ERC2: variants seen among roughly 807,000 people sequenced by gnomAD.
ERC2 encodes the protein ELKS/RAB6-interacting/CAST family member 2.
A neutral mutation model predicts 114.8 loss-of-function variants in ERC2; 42 were observed. That is an observed-to-expected ratio of 0.37 (90% CI 0.29 to 0.47). ERC2 has a LOEUF of 0.47. ERC2 is among the 20% of genes least tolerant of loss of function. The pLI is 0.99. For synonymous variants in ERC2, 454 were observed against 425.5 expected (o/e 1.07, Z -0.82); for missense variants, 939 against 1,150.7 (o/e 0.82, Z 2.66).
At chr3:55,800,505 T>C (rs2070958913) in intron 14 of ERC2, among the ~76,000 whole-genome samples, 1 of 152,014 alleles carries the variant, frequency 6.6e-6, no homozygotes, top group South Asian at 2.1e-4. Flanking sequence ...ACTTCTACCA[T>C]ATAAAAAAAG....
intron 2 of ERC2, among the ~76,000 whole-genome samples, chr3:56,429,847 A>G (rs748799437): frequency 2.6e-5 from 4 of 152,012 alleles, no homozygotes; most frequent in Non-Finnish European, 5.9e-5. Flanking sequence ...ATAGTCCTGC[A>G]CTCCCTGTAA....
chr3:55,561,786 G>A (rs79611953), intron 17 of ERC2, among the ~76,000 whole-genome samples: 10,882 of 152,190 alleles, frequency 0.072, 517 homozygotes, highest in South Asian at 0.14. Context: ...GTGGGAGCAT[G>A]TGAGCAGACC....
chr3:56,002,669 C>T (rs1226446880), intron 10 of ERC2, among the ~76,000 whole-genome samples: 2 of 152,160 alleles, frequency 1.3e-5, no homozygotes, highest in East Asian at 1.9e-4. Flanking sequence ...TCTCAAAGAG[C>T]GTAACCCTGT....
intron 14 of ERC2, among the ~76,000 whole-genome samples, chr3:55,785,635 G>A (rs2069422466): frequency 1.3e-5 from 2 of 152,208 alleles, no homozygotes; most frequent in South Asian, 4.1e-4. Flanking sequence ...GCTGCCTCTT[G>A]AGGCTTGTGC....
At chr3:55,965,509 T>C (rs559670648) in intron 12 of ERC2, among the ~76,000 whole-genome samples, 4 of 152,246 alleles carry the variant, frequency 2.6e-5, no homozygotes, top group Non-Finnish European at 5.9e-5. Flanking sequence ...TTTATTTTTG[T>C]GTTTGTGTTC....
intron 3 of ERC2, among the ~76,000 whole-genome samples, chr3:56,269,555 A>C (rs2053527766): frequency 6.6e-6 from 1 of 152,240 alleles, no homozygotes; most frequent in Non-Finnish European, 1.5e-5. Flanking sequence ...GTGAGAGGTG[A>C]TGTCTTAGCA....
At chr3:56,370,064 T>C (rs2059305899) in intron 2 of ERC2, among the ~76,000 whole-genome samples, 1 of 152,198 alleles carries the variant, frequency 6.6e-6, no homozygotes, top group Admixed American at 6.5e-5. Context: ...TTCCAAGACT[T>C]GTCCAGGCAC....
intron 12 of ERC2, among the ~76,000 whole-genome samples, chr3:55,975,480 C>T (rs1258523479): frequency 4.6e-5 from 7 of 151,898 alleles, no homozygotes; most frequent in African/African-American, 1.2e-4. Flanking sequence ...TGGCCTTGTT[C>T]TTCTGGAAAC....
At chr3:55,576,309 CA>C (rs112669253) in intron 17 of ERC2, among the ~76,000 whole-genome samples, 6,909 of 117,404 alleles carry the variant, frequency 0.059, 183 homozygotes, top group African/African-American at 0.11. Flanking sequence ...GACTCCATCT[CA>C]AAAAAAAAAA....
rs528589813 is a variant in ERC2, at chr3:56,166,891, A to G, written c.1149+6555T>C. On this transcript the variant is annotated intron_variant, in intron 4 of 17. Coordinates refer to ENST00000288221, the MANE Select transcript of ERC2 (RefSeq NM_015576.3). ...TATATGTTTACCCTCTATTTATTTA[A>G]TGTTAGCTTTTATGTTTATTATTTC... 7.9e-5 allele frequency among the ~76,000 whole-genome samples: 12 copies of G among 152,070 alleles called. No homozygotes were observed. In the East Asian group the frequency reaches 2.1e-3, roughly 27 times the overall value.
At chr3:55,563,144 G>A (rs2056139415) in intron 17 of ERC2, among the ~76,000 whole-genome samples, 1 of 152,164 alleles carries the variant, frequency 6.6e-6, no homozygotes. Flanking sequence ...CACATATGAA[G>A]AGGATGAAGG....
At chr3:55,967,148 A>G (rs1485414022) in intron 12 of ERC2, among the ~76,000 whole-genome samples, 1 of 152,220 alleles carries the variant, frequency 6.6e-6, no homozygotes, top group Non-Finnish European at 1.5e-5. Context: ...AGATTTGAGA[A>G]ATAACTAAAG....
intron 13 of ERC2, among the ~76,000 whole-genome samples, chr3:55,929,608 G>C (rs1007732651): frequency 2.0e-5 from 3 of 152,186 alleles, no homozygotes; most frequent in African/African-American, 7.2e-5. Context: ...AAATTACAAA[G>C]GAAGGTGATA....
At chr3:55,912,708 C>CT (rs34957827) in intron 13 of ERC2, among the ~76,000 whole-genome samples, 40,907 of 151,496 alleles carry the variant, frequency 0.27, 5,782 homozygotes, top group Admixed American at 0.35. Flanking sequence ...GAATCATGGG[C>CT]TCTTTTTTTC....
intron 3 of ERC2, among the ~76,000 whole-genome samples, chr3:56,227,122 C>T (rs1222256269): frequency 6.6e-6 from 1 of 152,122 alleles, no homozygotes; most frequent in Non-Finnish European, 1.5e-5. Context: ...CATAACCACT[C>T]CTTTGCAAAT....
At chr3:56,035,337 C>T (rs2074719679) in intron 7 of ERC2, among the ~76,000 whole-genome samples, 3 of 152,066 alleles carry the variant, frequency 2.0e-5, no homozygotes, top group Admixed American at 2.0e-4. Flanking sequence ...TCAAAACTTC[C>T]CCACAAAGAA....
chr3:55,724,813 CT>C (rs2064809246), intron 15 of ERC2, among the ~76,000 whole-genome samples: 1 of 152,214 alleles, frequency 6.6e-6, no homozygotes, highest in Non-Finnish European at 1.5e-5. Flanking sequence ...CCCACAAAGC[CT>C]AATGGCTCCC....
intron 14 of ERC2, among the ~76,000 whole-genome samples, chr3:55,767,416 A>G (rs1355825812): frequency 6.6e-6 from 1 of 152,202 alleles, no homozygotes; most frequent in Non-Finnish European, 1.5e-5. Flanking sequence ...TGGCCGTCTT[A>G]ACTGTGGGCC....
At chr3:56,104,455 C>T (rs1194898472) in intron 6 of ERC2, among the ~76,000 whole-genome samples, 1 of 152,202 alleles carries the variant, frequency 6.6e-6, no homozygotes, top group Non-Finnish European at 1.5e-5. Flanking sequence ...CTAATTTTCC[C>T]TTCTTAGACA....
Sources: allele counts gnomAD v4.1 joint callset (sites outside exome capture counted in the v4.1 genomes callset), GRCh38; gene constraint gnomAD v4.1.1; transcripts MANE v1.5; gene names NCBI Gene and HGNC (gene_info 2026-07-23, HGNC 2026-07-21).